PDE4D: variants seen among roughly 807,000 people sequenced by gnomAD.
PDE4D encodes 3',5'-cyclic-AMP phosphodiesterase 4D.
In PDE4D, 24 loss-of-function variants were observed where a neutral mutation model predicts 87.4. That is an observed-to-expected ratio of 0.27 (90% confidence interval 0.20 to 0.39). The LOEUF is 0.39. Ranked by LOEUF, PDE4D falls within the 10% of genes least tolerant of loss-of-function variation. The pLI, the probability that PDE4D is intolerant of heterozygous loss-of-function variation, is 1.00. For missense variants in PDE4D, 714 were observed against 1,041.0 expected, an observed-to-expected ratio of 0.69 and a Z score of 4.32; for synonymous variants, 384 against 383.2, an observed-to-expected ratio of 1.00 and a Z score of -0.02.
At chr5:59,189,636 C>G (rs960150409) in intron 3 of PDE4D, among the ~76,000 whole-genome samples, 17 of 152,068 alleles carry the variant, frequency 1.1e-4, no homozygotes, top group African/African-American at 3.1e-4. Context: ...CTCCTTAGTG[C>G]TCCTTGGCCC....
intron 1 of PDE4D, among the ~76,000 whole-genome samples, chr5:59,540,823 C>T (rs1288617152): frequency 6.6e-6 from 1 of 152,168 alleles, no homozygotes. Context: ...TTTGAAATCT[C>T]CTTTGCTCCA....
At chr5:58,992,438 A>G (rs1184745348) in intron 7 of PDE4D, among the ~76,000 whole-genome samples, 1 of 152,138 alleles carries the variant, frequency 6.6e-6, no homozygotes, top group African/African-American at 2.4e-5. Flanking sequence ...TAGAAACTTT[A>G]TACGCAAATG....
intron 2 of PDE4D, among the ~76,000 whole-genome samples, chr5:60,084,707 G>C (rs749355688): frequency 6.6e-6 from 1 of 152,180 alleles, no homozygotes; most frequent in Non-Finnish European, 1.5e-5. Flanking sequence ...TTAAGTAACT[G>C]TTAATCCTGC....
At chr5:59,468,735 G>A (rs532607632) in intron 1 of PDE4D, among the ~76,000 whole-genome samples, 2 of 152,138 alleles carry the variant, frequency 1.3e-5, no homozygotes, top group East Asian at 1.9e-4. Flanking sequence ...AATCCATCAC[G>A]TCTCTGTCCT....
chr5:60,262,145 A>G (rs761783956), intron 1 of PDE4D, among the ~76,000 whole-genome samples: 2 of 152,134 alleles, frequency 1.3e-5, no homozygotes, highest in Non-Finnish European at 2.9e-5. Context: ...GGCAATAACT[A>G]TGACTGAATT....
chr5:59,246,343 T>C (rs1758835581), intron 1 of PDE4D, among the ~76,000 whole-genome samples: 1 of 152,032 alleles, frequency 6.6e-6, no homozygotes, highest in Admixed American at 6.6e-5. Flanking sequence ...TGTGGGTAGG[T>C]TATAAAATAA....
chr5:60,323,169 C>A (rs553691783), intron 1 of PDE4D, among the ~76,000 whole-genome samples: 1 of 152,316 alleles, frequency 6.6e-6, no homozygotes, highest in East Asian at 1.9e-4. Context: ...CACCTGTACA[C>A]TTATGATACA....
At chr5:60,460,407 C>A in intron 1 of PDE4D, 1 of 1,163,136 alleles carries the variant, frequency 8.6e-7, no homozygotes, top group South Asian at 1.2e-5. Context: ...CCTCTTCATC[C>A]TCCTCCAGCA....
intron 2 of PDE4D, among the ~76,000 whole-genome samples, chr5:60,143,781 C>G (rs1164773380): frequency 1.3e-5 from 2 of 151,944 alleles, no homozygotes; most frequent in East Asian, 3.8e-4. Context: ...GTTTATCTTA[C>G]CATCAAAAAG....
intron 2 of PDE4D, among the ~76,000 whole-genome samples, chr5:60,108,923 G>A (rs1159364486): frequency 1.3e-5 from 2 of 152,050 alleles, no homozygotes; most frequent in African/African-American, 2.4e-5. Flanking sequence ...GAAAACCTAG[G>A]CATTACCATT....
At chr5:59,192,175 A>G (rs565095620) in intron 3 of PDE4D, among the ~76,000 whole-genome samples, 1 of 152,336 alleles carries the variant, frequency 6.6e-6, no homozygotes, top group East Asian at 1.9e-4. Flanking sequence ...AAGTTTTAAA[A>G]AGTAGAACTA....
intron 1 of PDE4D, among the ~76,000 whole-genome samples, chr5:59,643,162 T>C (rs1239729844): frequency 1.3e-5 from 2 of 152,196 alleles, no homozygotes; most frequent in Non-Finnish European, 2.9e-5. Context: ...AGATGACGCC[T>C]ATGGTTGCCC....
intron 2 of PDE4D, among the ~76,000 whole-genome samples, chr5:60,152,394 C>T (rs1203419087): frequency 1.3e-5 from 2 of 152,062 alleles, no homozygotes; most frequent in African/African-American, 2.4e-5. Flanking sequence ...TGGCTCATGC[C>T]TGTAATCCCA....
chr5:60,096,703 G>C (rs192029608), intron 2 of PDE4D, among the ~76,000 whole-genome samples: 75 of 152,116 alleles, frequency 4.9e-4, no homozygotes, highest in Admixed American at 1.4e-3. Flanking sequence ...GTATAGTTTT[G>C]ATGAGACTAG....
intron 1 of PDE4D, among the ~76,000 whole-genome samples, chr5:59,309,321 T>C (rs573600943): frequency 6.6e-6 from 1 of 152,308 alleles, no homozygotes; most frequent in Admixed American, 6.5e-5. Context: ...GATTTTCTTC[T>C]CCCTGTAGAG....
intron 1 of PDE4D, among the ~76,000 whole-genome samples, chr5:59,349,118 T>C (rs1780090437): frequency 6.6e-6 from 1 of 152,058 alleles, no homozygotes; most frequent in Non-Finnish European, 1.5e-5. Flanking sequence ...CAGACAAGTT[T>C]TAAAGTAGCA....
intron 1 of PDE4D, among the ~76,000 whole-genome samples, chr5:59,375,941 T>C (rs1283433400): frequency 1.3e-5 from 2 of 152,148 alleles, no homozygotes; most frequent in African/African-American, 4.8e-5. Flanking sequence ...AAAAAACACA[T>C]GATTATCTCA....
chr5:60,470,133 A>G (rs1747705129), intron 1 of PDE4D, among the ~76,000 whole-genome samples: 1 of 152,204 alleles, frequency 6.6e-6, no homozygotes, highest in African/African-American at 2.4e-5. Flanking sequence ...CTTATTGCTC[A>G]TATAGGGAAA....
chr5:59,657,833 G>C (rs531540521), intron 1 of PDE4D, among the ~76,000 whole-genome samples: 1 of 152,176 alleles, frequency 6.6e-6, no homozygotes, highest in South Asian at 2.1e-4. Context: ...TTATAATAAG[G>C]CTTTTTCTGA....
Sources: allele counts gnomAD v4.1 joint callset (sites outside exome capture counted in the v4.1 genomes callset), GRCh38; gene constraint gnomAD v4.1.1; transcripts MANE v1.5; gene names NCBI Gene and HGNC (gene_info 2026-07-23, HGNC 2026-07-21).